The following CDIP1 variants were observed in gnomAD, a reference collection of about 807,000 sequenced individuals.
CDIP1 encodes the protein cell death-inducing p53-target protein 1.
In CDIP1, 9 loss-of-function variants were observed where a neutral mutation model predicts 17.7. The ratio of observed to expected loss-of-function variants is 0.51; its 90% CI spans 0.31 to 0.89. The LOEUF is 0.89. Ranked by LOEUF, CDIP1 falls within the 40% of genes least tolerant of loss-of-function variation. The pLI is 0.05. For synonymous variants in CDIP1, 117 were observed against 109.5 expected (o/e 1.07, Z -0.43); for missense variants, 263 against 277.9 (o/e 0.95, Z 0.38).
At position 4,512,301 on chromosome 16, in the gene CDIP1, T is replaced by A. The variant is rs551027849; in HGVS notation, c.*271A>T. ...CCAGCAGGAGACCCCTCCCAGCTTA[T>A]CTTCCCGATCACACACACCAAGCAG... On this transcript the variant is annotated 3_prime_UTR_variant, in exon 6 of 6. Transcript: ENST00000567695. This position sits in a 1 kb window ranked among gnomAD's most constrained non-coding sequence, Gnocchi z 4.6. 6 of 542,780 alleles carry A rather than the reference T, an allele frequency of 1.1e-5. No homozygotes were observed. Among genetic ancestry groups the A allele is most frequent in the South Asian group, 8.4e-5 (4 of 47,502 alleles). 33.6% of individuals were successfully genotyped at this position (542,780 alleles called of 1,614,324 possible). A position where few individuals can be genotyped will look rare whatever the true frequency, so the allele number is the denominator to read the frequency against.
At chr16:4,516,284 T>C (rs185734324) in intron 1 of CDIP1, among the ~76,000 whole-genome samples, 2 of 152,300 alleles carry the variant, frequency 1.3e-5, no homozygotes, top group East Asian at 3.9e-4. Context: ...ATGGGGAACA[T>C]GGAATCTCCT....
rs1231734034 is a variant in CDIP1, at chr16:4,513,098, A to C, written c.242-34T>G. 6.5e-7 allele frequency: 1 copy of C among 1,543,620 alleles called. No homozygotes were observed. The highest frequency in any genetic ancestry group is 8.7e-7 in the Non-Finnish European group (1 of 1,152,800). On this transcript the variant is annotated intron_variant, in intron 4 of 5. Transcript: ENST00000567695. The surrounding 1 kb of genome is among the most constrained non-coding windows in gnomAD (Gnocchi z 4.1). ...GCACAGAAGATGGAGGCGAGAGGTCACTGGCCTGCCACCTGCACCAGACAA... is the reference window on the plus strand; with the variant it reads ...GCACAGAAGATGGAGGCGAGAGGTCCCTGGCCTGCCACCTGCACCAGACAA...
At chr16:4,529,693 CCTT>C (rs1303622151) in intron 1 of CDIP1, among the ~76,000 whole-genome samples, 7 of 152,218 alleles carry the variant, frequency 4.6e-5, no homozygotes, top group Admixed American at 4.6e-4. Context: ...TAAAAAAAAT[CCTT>C]CTGTCTGCCT....
chr16:4,527,793 T>C (rs1456093950), intron 1 of CDIP1, among the ~76,000 whole-genome samples: 3 of 152,212 alleles, frequency 2.0e-5, no homozygotes, highest in African/African-American at 7.2e-5. Flanking sequence ...TGTAACTGTA[T>C]TCAGCCCCTA....
intron 1 of CDIP1, among the ~76,000 whole-genome samples, chr16:4,528,973 G>A (rs1310773507): frequency 6.6e-6 from 1 of 152,060 alleles, no homozygotes; most frequent in Non-Finnish European, 1.5e-5. Context: ...CGGGCAACAA[G>A]AGCGAAACTC....
rs1211608962 is a variant in CDIP1 at position 4,513,857 on chromosome 16, CAGAG to C, written c.86-10_86-7del. The C allele has an allele frequency of 6.4e-7, 1 of 1,554,076 alleles. No individual in the cohort carries two copies. Among genetic ancestry groups the C allele is most frequent in the Non-Finnish European group, 8.7e-7 (1 of 1,152,482 alleles). ...CACAGCTGGGGAGGAACGGCCTGGACAGAGAGAGGCAGAAAGAGGAGACTGAGCT... is the reference window on the plus strand; with the variant it reads ...CACAGCTGGGGAGGAACGGCCTGGACAGAGGCAGAAAGAGGAGACTGAGCT... On this transcript the variant is annotated splice_region_variant and splice_polypyrimidine_tract_variant and intron_variant, in intron 3 of 5. Transcript: ENST00000567695. The surrounding 1 kb of genome is among the most constrained non-coding windows in gnomAD (Gnocchi z 4.1).
intron 1 of CDIP1, among the ~76,000 whole-genome samples, chr16:4,525,061 A>T (rs754306178): frequency 6.6e-6 from 1 of 152,106 alleles, no homozygotes; most frequent in Non-Finnish European, 1.5e-5. Context: ...TGTCACGCCA[A>T]TGCACTCTAG....
intron 1 of CDIP1, among the ~76,000 whole-genome samples, chr16:4,535,561 C>T (rs1333405793): frequency 1.3e-5 from 2 of 152,240 alleles, no homozygotes; most frequent in African/African-American, 4.8e-5. Context: ...GGGTGATGCT[C>T]TTCACCTATC....
rs2058837084 is a variant in CDIP1 at position 4,512,182 on chromosome 16, A to T, written c.*390T>A. 1 of 245,888 alleles carries T rather than the reference A, an allele frequency of 4.1e-6. No homozygotes were observed. Among genetic ancestry groups the T allele is most frequent in the African/African-American group, 2.3e-5 (1 of 44,318 alleles). 15.2% of individuals were successfully genotyped at this position (245,888 alleles called of 1,614,324 possible). On this transcript the variant is annotated 3_prime_UTR_variant, in exon 6 of 6. Coordinates refer to ENST00000567695, the MANE Select transcript of CDIP1 (RefSeq NM_013399.3). This position sits in a 1 kb window ranked among gnomAD's most constrained non-coding sequence, Gnocchi z 4.6. ...AACGCCTGTGGCCACAGGCCTGGGGACTAACTGGCTAACTGCTCTGGCTGC... is the reference window on the plus strand; with the variant it reads ...AACGCCTGTGGCCACAGGCCTGGGGTCTAACTGGCTAACTGCTCTGGCTGC...
chr16:4,531,086 T>G (rs1419894981), intron 1 of CDIP1, among the ~76,000 whole-genome samples: 3 of 151,970 alleles, frequency 2.0e-5, no homozygotes, highest in Non-Finnish European at 4.4e-5. Context: ...TGGAGTGCAG[T>G]GGCGTGATCT....
intron 1 of CDIP1, among the ~76,000 whole-genome samples, chr16:4,517,217 T>C (rs1038792803): frequency 5.9e-4 from 90 of 152,232 alleles, no homozygotes; most frequent in African/African-American, 2.0e-3. Flanking sequence ...AGTTATTAAT[T>C]TTCATATTAA....
intron 1 of CDIP1, among the ~76,000 whole-genome samples, chr16:4,528,729 C>G (rs2059025960): frequency 6.7e-6 from 1 of 148,894 alleles, no homozygotes; most frequent in Non-Finnish European, 1.5e-5. Flanking sequence ...TGGCTCACAC[C>G]TATAATCCCA....
In CDIP1 at chr16:4,537,458, G is replaced by A. The variant is rs565091232; in HGVS notation, c.-105+1244C>T. ...CAGTTCTACCTAGATCGGCCCCAAG[G>A]GAAGCAGCAAAGAACCCAGGAGAGC... On this transcript the variant is annotated intron_variant, in intron 1 of 5. Coordinates refer to ENST00000567695, the MANE Select transcript of CDIP1 (RefSeq NM_013399.3). 1.8e-3 allele frequency among the ~76,000 whole-genome samples: 271 copies of A among 152,280 alleles called. 1 individual carries two copies. Among genetic ancestry groups the A allele is most frequent in the African/African-American group, 6.0e-3 (251 of 41,552 alleles).
intron 1 of CDIP1, among the ~76,000 whole-genome samples, chr16:4,519,740 G>C (rs2058925298): frequency 6.6e-6 from 1 of 152,004 alleles, no homozygotes; most frequent in African/African-American, 2.4e-5. Context: ...CACTCTGTTA[G>C]TCCCCGCATC....
rs2058822794 is a variant in CDIP1, at chr16:4,511,083, G to C, written c.*1489C>G. On this transcript the variant is annotated 3_prime_UTR_variant, in exon 6 of 6. Transcript: ENST00000567695. ...AAGGTGACCTTACAGCCACTGCCGA[G>C]ACCAACGTGTGCCCTGGCCCAGTCA... The C allele has an allele frequency of 6.6e-6, 1 of 152,276 alleles. No individual in the cohort carries two copies. Among genetic ancestry groups the C allele is most frequent in the South Asian group, 2.1e-4 (1 of 4,826 alleles). The allele number at this position is 152,276 out of a possible 1,614,324, so 9.4% of individuals were successfully genotyped here.
rs751938956 is a variant in CDIP1 at position 4,512,719 on chromosome 16, GC to G, written c.516-37del. 2.4e-4 allele frequency: 381 copies of G among 1,605,710 alleles called. No individual in the cohort carries two copies. The highest frequency in any genetic ancestry group is 3.2e-4 in the Non-Finnish European group (377 of 1,173,220). On this transcript the variant is annotated intron_variant, in intron 5 of 5. Transcript: ENST00000567695. This position sits in a 1 kb window ranked among gnomAD's most constrained non-coding sequence, Gnocchi z 4.6. ...GACAGGGAAGAACAGGCTGAGGCCT[GC>G]TGCGGAGGAGGCAGAGGCAGCCAGT...
At chr16:4,526,505 C>G (rs865978645) in intron 1 of CDIP1, among the ~76,000 whole-genome samples, 20 of 151,904 alleles carry the variant, frequency 1.3e-4, no homozygotes, top group African/African-American at 4.4e-4. Context: ...TGAGGCCATC[C>G]TGGCTAACAT....
chr16:4,533,938 G>C lies in CDIP1; in HGVS notation c.-105+4764C>G, dbSNP rs984135429. Among the ~76,000 whole-genome samples the C allele has an allele frequency of 2.0e-5, 3 of 152,012 alleles. No individual in the cohort carries two copies. The South Asian group carries it at 6.2e-4, about 32-fold the overall frequency. On this transcript the variant is annotated intron_variant, in intron 1 of 5. Transcript: ENST00000567695. ...GCACAGGTTTGGGGTTGACCTAAGT[G>C]GACCTCCTGTGCCATTCTTTTTTGT...
chr16:4,524,297 A>T (rs751586665), intron 1 of CDIP1: 2 of 152,284 alleles, frequency 1.3e-5, no homozygotes, highest in African/African-American at 4.8e-5. Context: ...GCTCCTCCAC[A>T]TCACACTGCA....
Sources: gnomAD v4.1 joint callset for allele counts (sites outside exome capture counted in the v4.1 genomes callset) on GRCh38, gnomAD v4.1.1 for gene constraint, Gnocchi (gnomAD v3.1) non-coding constraint, MANE v1.5 for transcripts, NCBI Gene and HGNC (gene_info 2026-07-23, HGNC 2026-07-21) for gene names.